PCBP4: variants seen among roughly 807,000 people sequenced by gnomAD.
PCBP4 encodes poly(rC) binding protein 4, also known as poly(rC)-binding protein 4.
A neutral mutation model predicts 46.2 loss-of-function variants in PCBP4; 24 were observed. The observed-to-expected ratio is 0.52, with a 90% CI of 0.38 to 0.73. The LOEUF (loss-of-function observed/expected upper bound fraction) is 0.73. Ranked by LOEUF, PCBP4 falls within the 30% of genes least tolerant of loss-of-function variation. The probability of loss-of-function intolerance (pLI) is 0.00; values close to 1 mark genes in which losing one functional copy is unlikely to be tolerated. For missense variants in PCBP4, 407 were observed against 537.0 expected, an observed-to-expected ratio of 0.76 and a Z score of 2.39; for synonymous variants, 203 against 224.4, an observed-to-expected ratio of 0.90 and a Z score of 0.85.
intron 2 of PCBP4, 124 bp from the exon 3 acceptor site, chr3:51,961,428 G>A (rs909747211): frequency 4.8e-5 from 54 of 1,123,996 alleles, no homozygotes; most frequent in African/African-American, 6.3e-5. Flanking sequence ...TGGACCTTGA[G>A]CGCCACACAT....
chr3:51,961,638 A>C, intron 2 of PCBP4: 1 of 451,096 alleles, frequency 2.2e-6, no homozygotes, highest in Non-Finnish European at 3.0e-6. Context: ...AAAAGAAATA[A>C]TTAACTAGGA....
chr3:51,958,772 C>G lies in PCBP4; in HGVS notation c.923+18G>C. The G allele has an allele frequency of 6.2e-7, 1 of 1,601,838 alleles. No individual in the cohort carries two copies. Among genetic ancestry groups the G allele is most frequent in the Non-Finnish European group, 8.5e-7 (1 of 1,172,190 alleles). ...GAACCGTGACCTGCTCCCCCACTGC[C>G]GCCCAGCCCGCGCTCACCAGGCAGT... On this transcript the variant is annotated intron_variant, in intron 13 of 13. Coordinates refer to ENST00000461554, the MANE Select transcript of PCBP4 (RefSeq NM_001174100.2). This position sits in a 1 kb window ranked among gnomAD's most constrained non-coding sequence, Gnocchi z 5.4.
chr3:51,963,607 C>T (rs1700281397), intron 1 of PCBP4, among the ~76,000 whole-genome samples: 1 of 152,172 alleles, frequency 6.6e-6, no homozygotes, highest in African/African-American at 2.4e-5. Context: ...GGCAGGAGGG[C>T]TGGAACATGG....
At position 51,967,453 on chromosome 3, in the gene PCBP4, T is replaced by A. The variant is rs1377718858; in HGVS notation, c.-340A>T. ...ACATCAGCTGCGAACAATGAGGGGT[T>A]TGACAGGCGCGGAGCCCGGCCGGCC... On this transcript the variant is annotated 5_prime_UTR_variant, in exon 1 of 14. Coordinates refer to ENST00000461554, the MANE Select transcript of PCBP4 (RefSeq NM_001174100.2). The A allele has an allele frequency of 6.8e-6, 1 of 147,528 alleles. No individual in the cohort carries two copies. Among genetic ancestry groups the A allele is most frequent in the Non-Finnish European group, 1.5e-5 (1 of 66,338 alleles). 9.1% of individuals were successfully genotyped at this position (147,528 alleles called of 1,614,324 possible). A position where few individuals can be genotyped will look rare whatever the true frequency, so the allele number is the denominator to read the frequency against.
intron 1 of PCBP4, among the ~76,000 whole-genome samples, chr3:51,964,902 G>C (rs1700349459): frequency 1.3e-5 from 2 of 152,208 alleles, no homozygotes; most frequent in African/African-American, 4.8e-5. Context: ...TCCAGCCTCT[G>C]GCTTCTTGAT....
Position 51,961,235 on chromosome 3 carries a change from G to T in PCBP4, c.6C>A (p.Ser2Arg). The change falls in exon 3 of 14, where the codon AGC becomes AGA. Residue 2 changes from serine to arginine, a missense_variant. Physicochemically the swap from Ser to Arg is moderately radical, Grantham distance 110. Transcript: ENST00000461554. ...CCTCCTCCAGTCCCCCGTCCGAGCCGCTCATTCTGTCAGGCGAGGCTGGGG... is the reference window on the plus strand; with the variant it reads ...CCTCCTCCAGTCCCCCGTCCGAGCCTCTCATTCTGTCAGGCGAGGCTGGGG... M[S>R]GSDGGLEEEP... The T allele has an allele frequency of 6.2e-7, 1 of 1,611,798 alleles. No individual in the cohort carries two copies.
At chr3:51,967,102 T>G (rs1700471556) in intron 1 of PCBP4, among the ~76,000 whole-genome samples, 1 of 151,934 alleles carries the variant, frequency 6.6e-6, no homozygotes, top group African/African-American at 2.4e-5. Context: ...GGGCCTCAAA[T>G]CTGGGATCTA....
rs1386862104 is a variant in PCBP4, at chr3:51,959,308, G to A, written c.637-16C>T. The A allele has an allele frequency of 3.7e-6, 6 of 1,613,954 alleles. No homozygotes were observed. Among genetic ancestry groups the A allele is most frequent in the Non-Finnish European group, 5.1e-6 (6 of 1,179,942 alleles). On this transcript the variant is annotated splice_polypyrimidine_tract_variant and intron_variant, in intron 10 of 13. Transcript: ENST00000461554. This position sits in a 1 kb window ranked among gnomAD's most constrained non-coding sequence, Gnocchi z 5.6. ...GCTTGGTGACCTGTGCCAAAGAGGG[G>A]TCAGAGGTCAGAGGAGGCATGGTTC...
At position 51,958,394 on chromosome 3, in the gene PCBP4, TGA is replaced by T. The variant is rs1699934501; in HGVS notation, c.924-47_924-46del. 7.5e-7 allele frequency: 1 copy of T among 1,328,080 alleles called. No individual in the cohort carries two copies. The highest frequency in any genetic ancestry group is 9.9e-7 in the Non-Finnish European group (1 of 1,008,132). 82.3% of individuals were successfully genotyped at this position (1,328,080 alleles called of 1,614,324 possible). On this transcript the variant is annotated intron_variant, in intron 13 of 13. Coordinates refer to ENST00000461554, the MANE Select transcript of PCBP4 (RefSeq NM_001174100.2). The surrounding 1 kb of genome is among the most constrained non-coding windows in gnomAD (Gnocchi z 5.4). ...GGGGAGACAAAGGGGAAAGTGGGAG[TGA>T]GAGAGGGGCAATGAGGGCAGAGATG...
intron 1 of PCBP4, among the ~76,000 whole-genome samples, chr3:51,964,461 T>G (rs1221530157): frequency 6.6e-6 from 1 of 152,194 alleles, no homozygotes; most frequent in Non-Finnish European, 1.5e-5. Flanking sequence ...CCAGAATGTC[T>G]GGACCAGCTA....
intron 2 of PCBP4, chr3:51,961,680 C>A (rs1700187295): frequency 1.1e-6 from 1 of 886,280 alleles, no homozygotes; most frequent in South Asian, 4.8e-5. Flanking sequence ...GAGCCTCCTC[C>A]CTGACCTCTT....
Position 51,960,368 on chromosome 3 carries a change from T to A in PCBP4, c.256-48A>T. On this transcript the variant is annotated intron_variant, in intron 6 of 13. Coordinates refer to ENST00000461554, the MANE Select transcript of PCBP4 (RefSeq NM_001174100.2). This position sits in a 1 kb window ranked among gnomAD's most constrained non-coding sequence, Gnocchi z 5.0. The stretch of plus-strand genomic sequence containing the variant: ...TGGCCATGCTCGTCCCTGCTATATC[T>A]GCCCAGGGGTCAGGAGGGTACCCTT... The A allele has an allele frequency of 6.3e-7, 1 of 1,598,218 alleles. No homozygotes were observed. The highest frequency in any genetic ancestry group is 8.5e-7 in the Non-Finnish European group (1 of 1,171,182).
At position 51,958,863 on chromosome 3, in the gene PCBP4, C is replaced by T. The variant is rs745428122; in HGVS notation, c.850G>A (p.Ala284Thr). Residue 284 changes from alanine (A) to threonine (T), a missense_variant, in exon 13 of 14, where the codon GCT (alanine) becomes ACT (threonine). By Grantham distance (58) the Ala-to-Thr change is moderately conservative (BLOSUM62 0). Coordinates refer to ENST00000461554, the MANE Select transcript of PCBP4 (RefSeq NM_001174100.2). This position sits in a 1 kb window ranked among gnomAD's most constrained non-coding sequence, Gnocchi z 5.4. ...GTGATGGTGACATGCCGCTCCCCAG[C>T]GCCCTCTGCTTGGTTCCCGATCTTG... is the stretch of plus-strand genomic sequence containing the variant. The part of the protein sequence containing the change: ...HIKIGNQAEG[A>T]GERHVTITGS... 15 of 1,613,874 alleles carry T rather than the reference C, an allele frequency of 9.3e-6. No individual in the cohort carries two copies. The highest frequency in any genetic ancestry group is 6.7e-5 in the African/African-American group (5 of 74,884).
intron 1 of PCBP4, among the ~76,000 whole-genome samples, chr3:51,963,858 A>G (rs1046767919): frequency 6.6e-6 from 1 of 152,164 alleles, no homozygotes; most frequent in Non-Finnish European, 1.5e-5. Flanking sequence ...TGTCTTCCAA[A>G]TTATTCTCCT....
chr3:51,957,989 T>C lies in PCBP4; in HGVS notation c.*72A>G. 2 of 1,414,938 alleles carry C rather than the reference T, an allele frequency of 1.4e-6. No homozygotes were observed. Among genetic ancestry groups the C allele is most frequent in the South Asian group, 1.4e-5 (1 of 70,028 alleles). 87.6% of individuals were successfully genotyped at this position (1,414,938 alleles called of 1,614,324 possible). A position where few individuals can be genotyped will look rare whatever the true frequency, so the allele number is the denominator to read the frequency against. ...TTTGGGACCCCAGGGTGGAGTCTCCTTGGGCGGGTAGGGTGCAGAGGCAGC... is the reference window on the plus strand; with the variant it reads ...TTTGGGACCCCAGGGTGGAGTCTCCCTGGGCGGGTAGGGTGCAGAGGCAGC... On this transcript the variant is annotated 3_prime_UTR_variant, in exon 14 of 14. Transcript: ENST00000461554.
At position 51,959,020 on chromosome 3, in the gene PCBP4, C is replaced by T; in HGVS notation, c.753+27G>A. 6.2e-7 allele frequency: 1 copy of T among 1,613,326 alleles called. No homozygotes were observed. The highest frequency in any genetic ancestry group is 8.5e-7 in the Non-Finnish European group (1 of 1,179,490). ...CCAGACCCCCAGACCCCCTACCCAC[C>T]CTCCAGCCATCCCATCCCCTGCTCA... On this transcript the variant is annotated intron_variant, in intron 12 of 13. Coordinates refer to ENST00000461554, the MANE Select transcript of PCBP4 (RefSeq NM_001174100.2). This position sits in a 1 kb window ranked among gnomAD's most constrained non-coding sequence, Gnocchi z 5.6.
At position 51,959,038 on chromosome 3, in the gene PCBP4, C is replaced by G. The variant is rs1559756617; in HGVS notation, c.753+9G>C. 2 of 1,613,832 alleles carry G rather than the reference C, an allele frequency of 1.2e-6. No homozygotes were observed. The highest frequency in any genetic ancestry group is 1.1e-5 in the South Asian group (1 of 91,040). The stretch of plus-strand genomic sequence containing the variant: ...TACCCACCCTCCAGCCATCCCATCC[C>G]CTGCTCACATCGTTGGGAACCAAGA... On this transcript the variant is annotated intron_variant, in intron 12 of 13. Coordinates refer to ENST00000461554, the MANE Select transcript of PCBP4 (RefSeq NM_001174100.2). The surrounding 1 kb of genome is among the most constrained non-coding windows in gnomAD (Gnocchi z 5.6).
At position 51,958,454 on chromosome 3, in the gene PCBP4, T is replaced by A; in HGVS notation, c.924-105A>T. On this transcript the variant is annotated intron_variant, in intron 13 of 13. Coordinates refer to ENST00000461554, the MANE Select transcript of PCBP4 (RefSeq NM_001174100.2). The surrounding 1 kb of genome is among the most constrained non-coding windows in gnomAD (Gnocchi z 5.4). ...GATTAGATGAAAGGCAAGAGAGAGG[T>A]AGTGAACAGAGAACAATAAGGGGAA... 1 of 764,306 alleles carries A rather than the reference T, an allele frequency of 1.3e-6. No individual in the cohort carries two copies. The highest frequency in any genetic ancestry group is 2.0e-6 in the Non-Finnish European group (1 of 505,742). 47.3% of individuals were successfully genotyped at this position (764,306 alleles called of 1,614,324 possible).
Position 51,957,782 on chromosome 3 carries a change from A to C in PCBP4, c.*279T>G. 3.6e-6 allele frequency: 1 copy of C among 279,000 alleles called. No homozygotes were observed. The highest frequency in any genetic ancestry group is 6.7e-6 in the Non-Finnish European group (1 of 148,464). The allele number at this position is 279,000 out of a possible 1,614,324, so 17.3% of individuals were successfully genotyped here. A position where few individuals can be genotyped will look rare whatever the true frequency, so the allele number is the denominator to read the frequency against. ...GAGTGACACCCGCCATGGTGGGGGC[A>C]CTAGGGAGTCTCCTGGCTGCTCCCT... On this transcript the variant is annotated 3_prime_UTR_variant, in exon 14 of 14. Transcript: ENST00000461554.
Sources: allele counts gnomAD v4.1 joint callset (sites outside exome capture counted in the v4.1 genomes callset), GRCh38; gene constraint gnomAD v4.1.1; non-coding constraint Gnocchi (gnomAD v3.1); transcripts MANE v1.5; gene names NCBI Gene and HGNC (gene_info 2026-07-23, HGNC 2026-07-21).